The following NID2 variants were observed in gnomAD, a reference collection of about 807,000 sequenced individuals.
The protein encoded by NID2 is nidogen 2.
NID2 carries 83 observed loss-of-function variants against 145.4 expected under a neutral mutation model. The ratio of observed to expected loss-of-function variants is 0.57; its 90% CI spans 0.48 to 0.69. The LOEUF (loss-of-function observed/expected upper bound fraction) is 0.69, where lower values mean the gene tolerates loss of function less well. NID2 is among the 30% of genes least tolerant of loss of function. The probability of loss-of-function intolerance (pLI) is 0.00; values close to 1 mark genes in which losing one functional copy is unlikely to be tolerated. For missense variants in NID2, 1,807 were observed against 1,765.7 expected (o/e 1.02, Z -0.42); for synonymous variants, 739 against 701.3 (o/e 1.05, Z -0.85).
rs1424630498 is a variant in NID2 at position 52,005,474 on chromosome 14, A to ACATTACTGTACTTACTTTC, written c.4121_*11dup. ...GATTGTAAACTCCAAGTCTTCCTTT[A>ACATTACTGTACTTACTTTC]CATTACTGTACTTACTTTCTTCCTG... On this transcript the variant is annotated 3_prime_UTR_variant, in exon 22 of 22. Coordinates refer to ENST00000216286, the MANE Select transcript of NID2 (RefSeq NM_007361.4). The ACATTACTGTACTTACTTTC allele has an allele frequency of 6.3e-7, 1 of 1,590,094 alleles. No homozygotes were observed. The highest frequency in any genetic ancestry group is 8.5e-7 in the Non-Finnish European group (1 of 1,170,570).
intron 21 of NID2, 66 bp downstream of exon 21, chr14:52,005,666 TAATCA>T: frequency 7.2e-7 from 1 of 1,397,740 alleles, no homozygotes; most frequent in Non-Finnish European, 1.0e-6. Context: ...GCAGCAGGGG[TAATCA>T]AATACCATAT....
intron 5 of NID2, among the ~76,000 whole-genome samples, chr14:52,048,798 G>A (rs7359136): frequency 0.45 from 67,859 of 151,674 alleles, 15,815 homozygotes; most frequent in Non-Finnish European, 0.51. Flanking sequence ...CTCGGGAGAA[G>A]GAGACATTTG....
At chr14:52,047,390 C>T (rs1012135128) in intron 5 of NID2, among the ~76,000 whole-genome samples, 1 of 151,936 alleles carries the variant, frequency 6.6e-6, no homozygotes, top group African/African-American at 2.4e-5. Context: ...GGTGCTGTGT[C>T]AGGCAGGAGG....
At chr14:52,026,695 A>T (rs937322144) in intron 12 of NID2, among the ~76,000 whole-genome samples, 7 of 152,254 alleles carry the variant, frequency 4.6e-5, no homozygotes, top group African/African-American at 1.7e-4. Context: ...GCTTTTATAA[A>T]ATACTGCATT....
Position 52,054,029 on chromosome 14 carries a change from G to T in NID2, c.1060C>A (p.Pro354Thr), listed in dbSNP as rs1339723651. The change falls in exon 4 of 22, where the codon CCT (proline) becomes ACT (threonine). Residue 354 changes from proline to threonine, a missense_variant. By Grantham distance (38) the Pro-to-Thr change is conservative. Coordinates refer to ENST00000216286, the MANE Select transcript of NID2 (RefSeq NM_007361.4). ...GGAGGGGAGATCCTACCCTCTAAAG[G>T]CTTTGTATCCACTTTGGATTGGAAG... Reference protein sequence around the residue: ...VSFQSKVDTKPLEESSTLDPH... With the variant: ...VSFQSKVDTKTLEESSTLDPH... The T allele has an allele frequency of 6.2e-7, 1 of 1,613,730 alleles. No individual in the cohort carries two copies. Among genetic ancestry groups the T allele is most frequent in the Non-Finnish European group, 8.5e-7 (1 of 1,179,888 alleles).
intron 9 of NID2, among the ~76,000 whole-genome samples, chr14:52,032,087 A>G (rs1209356305): frequency 6.6e-6 from 1 of 152,180 alleles, no homozygotes; most frequent in Non-Finnish European, 1.5e-5. Flanking sequence ...TGGCTCTTCC[A>G]GTGCCCTGTC....
chr14:52,028,952 G>A (rs1350681889), intron 10 of NID2, 102 bp from the exon 11 acceptor site: 2 of 1,116,756 alleles, frequency 1.8e-6, no homozygotes, highest in Non-Finnish European at 2.5e-6. Flanking sequence ...TGCTTCAATG[G>A]GACAAATGGT....
chr14:52,029,446 T>G, intron 10 of NID2, 101 bp downstream of exon 10: 2 of 1,093,564 alleles, frequency 1.8e-6, no homozygotes, highest in Non-Finnish European at 2.7e-6. Context: ...ACAATGGAGG[T>G]TGTAAAGGTG....
chr14:52,007,651 A>G, intron 19 of NID2, 159 bp downstream of exon 19: 1 of 697,118 alleles, frequency 1.4e-6, no homozygotes, highest in South Asian at 1.8e-5. Context: ...GTTCATTTTA[A>G]GACTCATTTA....
chr14:52,058,890 A>T (rs981629597), intron 3 of NID2, among the ~76,000 whole-genome samples: 1 of 151,944 alleles, frequency 6.6e-6, no homozygotes. Flanking sequence ...GTGGAACCAG[A>T]GGAGGGAGAG....
At chr14:52,015,755 G>A (rs1036615886) in intron 14 of NID2, among the ~76,000 whole-genome samples, 7 of 152,198 alleles carry the variant, frequency 4.6e-5, no homozygotes, top group Admixed American at 1.3e-4. Flanking sequence ...CTTCAAGCTC[G>A]AAGCTGCTGA....
At chr14:52,043,939 G>A (rs1403531150) in intron 5 of NID2, among the ~76,000 whole-genome samples, 2 of 152,160 alleles carry the variant, frequency 1.3e-5, no homozygotes, top group African/African-American at 4.8e-5. Context: ...GACTCCAGGA[G>A]CATGCTGTTG....
rs529120645 is a variant in NID2, at chr14:52,038,264, T to C, written c.2257+483A>G. Among the ~76,000 whole-genome samples the C allele has an allele frequency of 1.1e-4, 16 of 152,282 alleles. No homozygotes were observed. In the South Asian group the frequency reaches 1.9e-3, roughly 18 times the overall value. On this transcript the variant is annotated intron_variant, in intron 9 of 21. Transcript: ENST00000216286. ...GGAGGTTATACATCAAGTTCTATGA[T>C]GTTTGGTTTTTCCAGATACTAGCTC...
At chr14:52,043,008 G>A in intron 5 of NID2, 77 bp from the exon 6 acceptor site, 1 of 1,407,636 alleles carries the variant, frequency 7.1e-7, no homozygotes, top group South Asian at 1.2e-5. Context: ...CACAACATCT[G>A]CTCCATAGAA....
intron 2 of NID2, among the ~76,000 whole-genome samples, chr14:52,064,245 T>G (rs1437661895): frequency 6.6e-6 from 1 of 152,224 alleles, no homozygotes; most frequent in Non-Finnish European, 1.5e-5. Flanking sequence ...GGCAGTGTCT[T>G]AATTTGTCTT....
rs534528313 is a variant in NID2, at chr14:52,034,852, G to A, written c.2257+3895C>T. ...ACATTCTAGGGGAAAACATGACCTG[G>A]TTTTCAGAATTAAAATGTCCCCTTG... On this transcript the variant is annotated intron_variant, in intron 9 of 21. Coordinates refer to ENST00000216286, the MANE Select transcript of NID2 (RefSeq NM_007361.4). Among the ~76,000 whole-genome samples the A allele has an allele frequency of 3.3e-5, 5 of 152,244 alleles. No homozygotes were observed. In the Middle Eastern group the frequency reaches 0.01, roughly 311 times the overall value.
In NID2 at chr14:52,005,171, A is replaced by ATTCT. The variant is rs1890712055; in HGVS notation, c.*311_*314dup. ...ATCAGGTTTAGAGTCTTAAACTCTA[A>ATTCT]TTCTTAGTTGAATGAATTTGATCTT... On this transcript the variant is annotated 3_prime_UTR_variant, in exon 22 of 22. Transcript: ENST00000216286. 1 of 242,506 alleles carries ATTCT rather than the reference A, an allele frequency of 4.1e-6. No individual in the cohort carries two copies. Among genetic ancestry groups the ATTCT allele is most frequent in the Non-Finnish European group, 7.9e-6 (1 of 126,950 alleles). The allele number at this position is 242,506 out of a possible 1,614,324, so 15.0% of individuals were successfully genotyped here.
chr14:52,005,121 T>A lies in NID2; in HGVS notation c.*365A>T, dbSNP rs1890709386. 3 of 184,700 alleles carry A rather than the reference T, an allele frequency of 1.6e-5. No individual in the cohort carries two copies. In the South Asian group the frequency reaches 5.4e-4, roughly 33 times the overall value. 11.4% of individuals were successfully genotyped at this position (184,700 alleles called of 1,614,324 possible). Reference sequence around the variant, plus strand: ...ATTGATCACATGTGCTTTAATTTCTTGGCCAGAAGGAATCCATGGCAAAAA... The same window carrying A: ...ATTGATCACATGTGCTTTAATTTCTAGGCCAGAAGGAATCCATGGCAAAAA... On this transcript the variant is annotated 3_prime_UTR_variant, in exon 22 of 22. Transcript: ENST00000216286.
intron 9 of NID2, among the ~76,000 whole-genome samples, chr14:52,033,256 A>C (rs1891937070): frequency 6.6e-6 from 1 of 152,178 alleles, no homozygotes; most frequent in Admixed American, 6.5e-5. Context: ...CAAGGGGAAG[A>C]GCGGTTTTCC....
Sources: allele counts gnomAD v4.1 joint callset (sites outside exome capture counted in the v4.1 genomes callset), GRCh38; gene constraint gnomAD v4.1.1; transcripts MANE v1.5; gene names NCBI Gene and HGNC (gene_info 2026-07-23, HGNC 2026-07-21).